The following CD86 variants were observed in gnomAD, a reference collection of about 807,000 sequenced individuals.
The protein encoded by CD86 is CD86 molecule.
In CD86, 11 loss-of-function variants were observed where a neutral mutation model predicts 32.1. The ratio of observed to expected loss-of-function variants is 0.34; its 90% CI spans 0.22 to 0.57. The LOEUF is 0.57. Ranked by LOEUF, CD86 falls within the 20% of genes least tolerant of loss-of-function variation. CD86 has a pLI of 0.86. For synonymous variants in CD86, 137 were observed against 135.3 expected, an observed-to-expected ratio of 1.01 and a Z score of -0.09; for missense variants, 359 against 398.4, an observed-to-expected ratio of 0.90 and a Z score of 0.84.
chr3:122,061,723 C>A (rs1476641654), intron 1 of CD86, among the ~76,000 whole-genome samples: 2 of 152,228 alleles, frequency 1.3e-5, no homozygotes, highest in African/African-American at 4.8e-5. Flanking sequence ...GAAACTGGAT[C>A]ATGCATACAT....
chr3:122,070,806 A>G (rs1482132358), intron 1 of CD86, among the ~76,000 whole-genome samples: 3 of 152,220 alleles, frequency 2.0e-5, no homozygotes, highest in South Asian at 4.1e-4. Context: ...ATTGATTCCA[A>G]GGGTGCAACA....
chr3:122,083,517 C>T (rs923721217), intron 1 of CD86, among the ~76,000 whole-genome samples: 1 of 152,192 alleles, frequency 6.6e-6, no homozygotes, highest in Non-Finnish European at 1.5e-5. Context: ...TTCTGTTTGC[C>T]TCTTGGTATG....
chr3:122,063,580 G>A (rs1236675237), intron 1 of CD86, among the ~76,000 whole-genome samples: 1 of 150,086 alleles, frequency 6.7e-6, no homozygotes, highest in Admixed American at 6.6e-5. Context: ...AACTAAGTAA[G>A]TACATAGAAA....
chr3:122,066,422 G>A (rs1351869429), intron 1 of CD86, among the ~76,000 whole-genome samples: 1 of 152,154 alleles, frequency 6.6e-6, no homozygotes, highest in Non-Finnish European at 1.5e-5. Flanking sequence ...AAGGGACACT[G>A]ACATCTCTCC....
intron 2 of CD86, among the ~76,000 whole-genome samples, chr3:122,101,509 AAAAAATATATATATAT>A (rs1387047760): frequency 1.1e-4 from 6 of 57,020 alleles, no homozygotes; most frequent in African/African-American, 1.7e-4. Context: ...AAAAAAAAAA[AAAAAATATATATATAT>A]ATATATATAT....
chr3:122,090,249 GC>G (rs2072792987), intron 1 of CD86, among the ~76,000 whole-genome samples: 1 of 152,128 alleles, frequency 6.6e-6, no homozygotes, highest in African/African-American at 2.4e-5. Context: ...GACACTTCTA[GC>G]CCAATGTCCT....
rs199695405 is a variant in CD86, at chr3:122,086,605, G to A, written c.15-4996G>A. ...AGCCTAAATCCACGCTGGGAAGCTG[G>A]TGCCTGTCCAGGTTAAAGTGGAGAA... On this transcript the variant is annotated intron_variant, in intron 1 of 6. Coordinates refer to ENST00000330540, the MANE Select transcript of CD86 (RefSeq NM_175862.5). 1,059 of 480,878 alleles carry A rather than the reference G, an allele frequency of 2.2e-3. 25 individuals are homozygous for A. The highest frequency in any genetic ancestry group is 0.015 in the South Asian group (999 of 66,128). The allele number at this position is 480,878 out of a possible 1,614,324, so 29.8% of individuals were successfully genotyped here.
chr3:122,076,164 T>A (rs886755177), intron 1 of CD86, among the ~76,000 whole-genome samples: 7 of 152,324 alleles, frequency 4.6e-5, no homozygotes, highest in African/African-American at 1.7e-4. Flanking sequence ...TCTAAATAGA[T>A]TTACTTAAAG....
chr3:122,100,166 A>G (rs2072976459), intron 2 of CD86, among the ~76,000 whole-genome samples: 1 of 152,202 alleles, frequency 6.6e-6, no homozygotes. Flanking sequence ...AGACTCATTC[A>G]TGAAGAAGTC....
At chr3:122,092,628 C>A (rs575489909) in intron 2 of CD86, among the ~76,000 whole-genome samples, 1 of 152,198 alleles carries the variant, frequency 6.6e-6, no homozygotes, top group Admixed American at 6.5e-5. Flanking sequence ...GCCATGTATC[C>A]TGTGACTCAG....
chr3:122,057,347 T>C (rs1258728741), intron 1 of CD86, among the ~76,000 whole-genome samples: 3 of 152,212 alleles, frequency 2.0e-5, no homozygotes, highest in African/African-American at 7.2e-5. Flanking sequence ...TAGAAACAAT[T>C]TACGTGTTTA....
At chr3:122,056,234 G>A (rs1230721912) in intron 1 of CD86, among the ~76,000 whole-genome samples, 3 of 152,256 alleles carry the variant, frequency 2.0e-5, no homozygotes, top group Non-Finnish European at 4.4e-5. Flanking sequence ...TTCGTGGTGC[G>A]CCAGAAGGTT....
chr3:122,101,444 G>C (rs2072997779), intron 2 of CD86, among the ~76,000 whole-genome samples: 1 of 146,558 alleles, frequency 6.8e-6, no homozygotes, highest in Non-Finnish European at 1.5e-5. Context: ...AGACTGGTCT[G>C]TGAGTGGACA....
intron 1 of CD86, among the ~76,000 whole-genome samples, chr3:122,068,022 G>A (rs2072438047): frequency 1.3e-5 from 2 of 152,066 alleles, no homozygotes; most frequent in South Asian, 4.1e-4. Flanking sequence ...CCTTGCTTTG[G>A]TCACAAAGTT....
chr3:122,078,836 GT>G (rs2107514234), intron 1 of CD86, among the ~76,000 whole-genome samples: 1 of 152,320 alleles, frequency 6.6e-6, no homozygotes, highest in South Asian at 2.1e-4. Flanking sequence ...GAAATGAACT[GT>G]TTATCTTACA....
At chr3:122,086,476 C>T in intron 1 of CD86, 1 of 423,782 alleles carries the variant, frequency 2.4e-6, no homozygotes, top group South Asian at 1.7e-5. Flanking sequence ...ACCTCAGATA[C>T]AAAGATACCC....
intron 1 of CD86, among the ~76,000 whole-genome samples, chr3:122,067,541 C>T (rs889912710): frequency 6.6e-6 from 1 of 152,204 alleles, no homozygotes; most frequent in African/African-American, 2.4e-5. Flanking sequence ...AAAATAATCT[C>T]TTTTGTTTGT....
At chr3:122,077,667 G>A (rs1915089) in intron 1 of CD86, 1 of 540,212 alleles carries the variant, frequency 1.9e-6, no homozygotes, top group Non-Finnish European at 2.4e-6. Context: ...GTCAGGGAAG[G>A]TGTCTTTGTC....
intron 1 of CD86, among the ~76,000 whole-genome samples, chr3:122,061,137 C>A (rs1406318344): frequency 2.0e-5 from 3 of 152,126 alleles, no homozygotes; most frequent in African/African-American, 7.2e-5. Flanking sequence ...GTTAAGTGAA[C>A]CAATTAGTCA....
Sources: allele counts gnomAD v4.1 joint callset (sites outside exome capture counted in the v4.1 genomes callset), GRCh38; gene constraint gnomAD v4.1.1; transcripts MANE v1.5; gene names NCBI Gene and HGNC (gene_info 2026-07-23, HGNC 2026-07-21).